RIMS1: variants seen among roughly 807,000 people sequenced by gnomAD.
The protein encoded by RIMS1 is regulating synaptic membrane exocytosis 1, also known as regulating synaptic membrane exocytosis protein 1.
A neutral mutation model predicts 214.1 loss-of-function variants in RIMS1; 83 were observed. That is an observed-to-expected ratio of 0.39 (90% confidence interval 0.32 to 0.47). The LOEUF (loss-of-function observed/expected upper bound fraction) is 0.47, where lower values mean the gene tolerates loss of function less well. Ranked by LOEUF, RIMS1 falls within the 20% of genes least tolerant of loss-of-function variation. The pLI, the probability that RIMS1 is intolerant of heterozygous loss-of-function variation, is 0.99. For synonymous variants in RIMS1, 793 were observed against 786.8 expected (o/e 1.01, Z -0.13); for missense variants, 2,050 against 2,161.8 (o/e 0.95, Z 1.03).
chr6:72,151,915 T>C (rs2043651433), intron 4 of RIMS1, among the ~76,000 whole-genome samples: 3 of 152,066 alleles, frequency 2.0e-5, no homozygotes, highest in Admixed American at 2.0e-4. Context: ...GCAAACATGG[T>C]GGGAGGCAAA....
intron 25 of RIMS1, among the ~76,000 whole-genome samples, chr6:72,291,072 C>T (rs908700089): frequency 6.6e-6 from 1 of 152,100 alleles, no homozygotes; most frequent in Admixed American, 6.6e-5. Flanking sequence ...CCAATTAGCT[C>T]TCATTGAAAA....
intron 4 of RIMS1, among the ~76,000 whole-genome samples, chr6:72,112,866 T>C (rs1562340035): frequency 6.6e-6 from 1 of 152,194 alleles, no homozygotes; most frequent in Admixed American, 6.6e-5. Flanking sequence ...CTTTGCAGTA[T>C]TCTCAGTGCC....
intron 22 of RIMS1, among the ~76,000 whole-genome samples, chr6:72,269,434 T>C (rs2082024788): frequency 6.6e-6 from 1 of 152,146 alleles, no homozygotes; most frequent in Non-Finnish European, 1.5e-5. Context: ...TTTATTTCTA[T>C]AAAAGGTTCC....
chr6:71,944,114 G>GT (rs1451357034), intron 1 of RIMS1, among the ~76,000 whole-genome samples: 1 of 151,986 alleles, frequency 6.6e-6, no homozygotes, highest in Non-Finnish European at 1.5e-5. Context: ...CTATTACTTG[G>GT]TAAAATACTA....
intron 29 of RIMS1, among the ~76,000 whole-genome samples, chr6:72,338,814 C>G (rs1409329646): frequency 2.7e-5 from 4 of 149,020 alleles, no homozygotes; most frequent in Non-Finnish European, 5.9e-5. Flanking sequence ...ACCCAGGCTA[C>G]CTGGTGCCAA....
chr6:72,380,053 G>T (rs2154417971), intron 29 of RIMS1, among the ~76,000 whole-genome samples: 1 of 152,292 alleles, frequency 6.6e-6, no homozygotes, highest in South Asian at 2.1e-4. Flanking sequence ...ATACACCATG[G>T]AATACTTGCA....
At chr6:72,291,033 A>G (rs565357055) in intron 25 of RIMS1, among the ~76,000 whole-genome samples, 172 bp downstream of exon 25, 1 of 152,134 alleles carries the variant, frequency 6.6e-6, no homozygotes, top group African/African-American at 2.4e-5. Context: ...ATCTATCTTC[A>G]CTGTGCTGGT....
chr6:72,271,336 A>C (rs1234100703), intron 22 of RIMS1, among the ~76,000 whole-genome samples: 2 of 146,406 alleles, frequency 1.4e-5, no homozygotes, highest in African/African-American at 5.0e-5. Flanking sequence ...AATAAGTGAA[A>C]TTTAGTTTAA....
chr6:71,965,768 CA>C (rs1202016081), intron 1 of RIMS1, among the ~76,000 whole-genome samples: 1 of 152,026 alleles, frequency 6.6e-6, no homozygotes, highest in African/African-American at 2.4e-5. Context: ...AAAGACTTTG[CA>C]AAAAATAAGA....
Position 72,111,818 on chromosome 6 carries a change from G to A in RIMS1, c.471+11832G>A, listed in dbSNP as rs150398207. 1.3e-3 allele frequency among the ~76,000 whole-genome samples: 197 copies of A among 152,154 alleles called. 2 individuals are homozygous for A. In the Middle Eastern group the frequency reaches 0.024, roughly 18 times the overall value. ...TCCTAGTCTGCATTCCTTTGGTAGC[G>A]TCCTCAGTAGTGTTCAGGGGATTCA... On this transcript the variant is annotated intron_variant, in intron 4 of 33. Transcript: ENST00000521978.
chr6:72,369,142 T>G (rs2098136707), intron 29 of RIMS1, among the ~76,000 whole-genome samples: 1 of 149,670 alleles, frequency 6.7e-6, no homozygotes, highest in Admixed American at 6.7e-5. Flanking sequence ...GAACAAGAGA[T>G]CAATATGCCA....
chr6:72,338,070 T>C lies in RIMS1; in HGVS notation c.4366+4235T>C, dbSNP rs954756091. On this transcript the variant is annotated intron_variant, in intron 29 of 33. Coordinates refer to ENST00000521978, the MANE Select transcript of RIMS1 (RefSeq NM_014989.7). ...AAACATACGTGTGTATGTGTCTTTATAGCAGCATGATTTATAGTCCTTTGG... is the reference window on the plus strand; with the variant it reads ...AAACATACGTGTGTATGTGTCTTTACAGCAGCATGATTTATAGTCCTTTGG... Among the ~76,000 whole-genome samples the C allele has an allele frequency of 1.4e-4, 21 of 151,934 alleles. No individual in the cohort carries two copies. In the Middle Eastern group the frequency reaches 0.01, roughly 74 times the overall value.
chr6:72,018,422 G>A (rs559833189), intron 2 of RIMS1, among the ~76,000 whole-genome samples: 13 of 152,196 alleles, frequency 8.5e-5, no homozygotes, highest in African/African-American at 3.1e-4. Flanking sequence ...AGGGGTGGAG[G>A]TTGAAATATC....
At chr6:72,325,503 G>T (rs1330388309) in intron 28 of RIMS1, among the ~76,000 whole-genome samples, 1 of 150,850 alleles carries the variant, frequency 6.6e-6, no homozygotes, top group Non-Finnish European at 1.5e-5. Flanking sequence ...AGAGTCACTG[G>T]GTATAAGGTT....
At chr6:72,352,454 T>A (rs1418420812) in intron 29 of RIMS1, among the ~76,000 whole-genome samples, 1 of 152,216 alleles carries the variant, frequency 6.6e-6, no homozygotes, top group African/African-American at 2.4e-5. Context: ...TAGAATTTAT[T>A]CTTAGCCATC....
chr6:72,278,937 C>T (rs1269395582), intron 23 of RIMS1, among the ~76,000 whole-genome samples: 4 of 151,954 alleles, frequency 2.6e-5, no homozygotes, highest in African/African-American at 9.7e-5. Flanking sequence ...AAAATATAGA[C>T]ATATTCTTAT....
intron 2 of RIMS1, among the ~76,000 whole-genome samples, chr6:72,056,083 T>TTA (rs1554205320): frequency 5.3e-5 from 8 of 150,772 alleles, no homozygotes; most frequent in Non-Finnish European, 1.2e-4. Flanking sequence ...TATGCAGCCA[T>TTA]AAAAAAAAAG....
In RIMS1 at chr6:72,145,814, C is replaced by A. The variant is rs1217115573; in HGVS notation, c.472-33761C>A. On this transcript the variant is annotated intron_variant, in intron 4 of 33. Transcript: ENST00000521978. ...CAAACAAACAACAACAAACAAAAAA[C>A]AGTTTCTCCAATTGCATCCTGTTGC... 6.6e-5 allele frequency among the ~76,000 whole-genome samples: 10 copies of A among 152,264 alleles called. No individual in the cohort carries two copies. The East Asian group carries it at 1.9e-3, about 29-fold the overall frequency.
chr6:71,940,080 TG>T (rs1785588570), intron 1 of RIMS1, among the ~76,000 whole-genome samples: 1 of 152,172 alleles, frequency 6.6e-6, no homozygotes, highest in South Asian at 2.1e-4. Flanking sequence ...TCATGAAGGA[TG>T]GTGTCTGTTC....
Sources: allele counts gnomAD v4.1 joint callset (sites outside exome capture counted in the v4.1 genomes callset), GRCh38; gene constraint gnomAD v4.1.1; transcripts MANE v1.5; gene names NCBI Gene and HGNC (gene_info 2026-07-23, HGNC 2026-07-21).